ZBTB37: variants seen among roughly 807,000 people sequenced by gnomAD.
ZBTB37 encodes zinc finger and BTB domain-containing protein 37.
A neutral mutation model predicts 37.7 loss-of-function variants in ZBTB37; 15 were observed. The ratio of observed to expected loss-of-function variants is 0.40; its 90% CI spans 0.27 to 0.61. The LOEUF (loss-of-function observed/expected upper bound fraction) is 0.61, where lower values mean the gene tolerates loss of function less well. Ranked by LOEUF, ZBTB37 falls within the 20% of genes least tolerant of loss-of-function variation. The pLI, the probability that ZBTB37 is intolerant of heterozygous loss-of-function variation, is 0.44. For missense variants in ZBTB37, 514 were observed against 641.9 expected, an observed-to-expected ratio of 0.80 and a Z score of 2.15; for synonymous variants, 231 against 220.6, an observed-to-expected ratio of 1.05 and a Z score of -0.42.
exon 4 of ZBTB37, chr1:173,903,083 G>A (rs189298563): frequency 2.6e-5 from 4 of 152,244 alleles, no homozygotes; most frequent in African/African-American, 7.2e-5. Flanking sequence ...TCTAAGACAC[G>A]ATCCTGATTT....
chr1:173,875,215 T>C (rs373258539), intron 4 of ZBTB37, among the ~76,000 whole-genome samples: 6 of 151,340 alleles, frequency 4.0e-5, no homozygotes, highest in African/African-American at 1.2e-4. Context: ...TATACTATAG[T>C]ATGCACACAC....
chr1:173,870,355 C>T, exon 3 of ZBTB37: 4 of 1,614,204 alleles, frequency 2.5e-6, no homozygotes, highest in East Asian at 2.2e-5. Context: ...ACAAGCTTTT[C>T]GGGCTCACAA....
intron 4 of ZBTB37, among the ~76,000 whole-genome samples, chr1:173,874,560 C>G (rs1474543020): frequency 2.0e-5 from 3 of 152,066 alleles, no homozygotes; most frequent in African/African-American, 7.2e-5. Context: ...ACCGTGTTAG[C>G]CAGGGTGGTT....
chr1:173,870,574 A>G lies in ZBTB37; in HGVS notation c.349A>G (p.Lys117Glu), dbSNP rs1655479079. 1.9e-6 allele frequency: 3 copies of G among 1,614,106 alleles called. No individual in the cohort carries two copies. The African/African-American group carries it at 4.0e-5, about 22-fold the overall frequency. ...TCTGCAAATGCAGCATATTATAGACAAATGTACACAGATCCTGGAGGGCAT... is the reference window on the plus strand; with the variant it reads ...TCTGCAAATGCAGCATATTATAGACGAATGTACACAGATCCTGGAGGGCAT... The change falls in exon 3 of 5, where the codon AAA becomes GAA. Residue 117 changes from lysine to glutamate, a missense_variant. By Grantham distance (56) the Lys-to-Glu change is moderately conservative (BLOSUM62 1). Around this residue, in one of 3 missense-constraint regions of ZBTB37, gnomAD observed 105 missense variants for 158.1 expected, o/e 0.66. Coordinates refer to ENST00000427304, the Ensembl canonical transcript of ZBTB37.
At chr1:173,900,448 T>TA (rs748312309) in exon 4 of ZBTB37, 1 of 152,204 alleles carries the variant, frequency 6.6e-6, no homozygotes, top group Non-Finnish European at 1.5e-5. Flanking sequence ...ACTGTTTTAT[T>TA]ACCCTAAAAT....
At chr1:173,897,223 A>G (rs759553529) in exon 4 of ZBTB37, 1 of 152,200 alleles carries the variant, frequency 6.6e-6, no homozygotes, top group Non-Finnish European at 1.5e-5. Context: ...GTAGCACAGA[A>G]GCATTTTGTT....
chr1:173,871,158 G>A lies in ZBTB37; in HGVS notation c.923+10G>A, dbSNP rs1318281501. 1.9e-6 allele frequency: 3 copies of A among 1,569,972 alleles called. No homozygotes were observed. Among genetic ancestry groups the A allele is most frequent in the East Asian group, 2.3e-5 (1 of 43,184 alleles). On this transcript the variant is annotated intron_variant, in intron 3 of 4. Coordinates refer to ENST00000427304, the Ensembl canonical transcript of ZBTB37. Reference sequence around the variant, plus strand: ...GCAGTGAAGTTGACAGGTAGGTTTGGTTTGGTTTGGTTTTCCCATGTAATG... The same window carrying A: ...GCAGTGAAGTTGACAGGTAGGTTTGATTTGGTTTGGTTTTCCCATGTAATG...
upstream of ZBTB37, chr1:173,868,288 G>C (rs913701236): frequency 1.3e-5 from 2 of 152,760 alleles, no homozygotes; most frequent in East Asian, 1.9e-4. Context: ...GGGAAGGGGG[G>C]GCGGTGTAAG....
chr1:173,883,221 G>A (rs1459450138), intron 4 of ZBTB37, among the ~76,000 whole-genome samples: 4 of 152,226 alleles, frequency 2.6e-5, no homozygotes, highest in Non-Finnish European at 4.4e-5. Flanking sequence ...GCTCAAGCCT[G>A]TAATCCCAGC....
chr1:173,870,906 G>T, exon 3 of ZBTB37: 1 of 1,614,176 alleles, frequency 6.2e-7, no homozygotes, highest in Non-Finnish European at 8.5e-7. Flanking sequence ...CAGGAGTGGC[G>T]GACCGTGGGG....
exon 4 of ZBTB37, chr1:173,896,074 T>C (rs917404270): frequency 1.3e-5 from 2 of 152,248 alleles, no homozygotes; most frequent in Admixed American, 1.3e-4. Context: ...AAAGGGGTAC[T>C]CAATGCTGAA....
At chr1:173,869,650 TG>T (rs10707726) in intron 2 of ZBTB37, among the ~76,000 whole-genome samples, 70,306 of 151,852 alleles carry the variant, frequency 0.46, 19,106 homozygotes, top group African/African-American at 0.75. Flanking sequence ...AGTCTTTTTG[TG>T]GGGGGGGCTC....
At chr1:173,869,994 A>C (rs1655432279) in intron 2 of ZBTB37, among the ~76,000 whole-genome samples, 1 of 152,186 alleles carries the variant, frequency 6.6e-6, no homozygotes, top group South Asian at 2.1e-4. Flanking sequence ...ATCACTTTTT[A>C]GTTTTAACTA....
In ZBTB37 at chr1:173,873,459, T is replaced by G. The variant is rs1655703423; in HGVS notation, c.924-8T>G. 6.3e-7 allele frequency: 1 copy of G among 1,598,958 alleles called. No homozygotes were observed. Among genetic ancestry groups the G allele is most frequent in the Non-Finnish European group, 8.5e-7 (1 of 1,174,134 alleles). ...GTATTAGTCCCCTTTATGTTCCTCT[T>G]CCAACAGATTTAGCCCCTCCGGCAG... On this transcript the variant is annotated splice_region_variant and splice_polypyrimidine_tract_variant and intron_variant, in intron 3 of 4. Transcript: ENST00000427304.
At chr1:173,897,162 T>C (rs1375856277) in exon 4 of ZBTB37, 1 of 152,232 alleles carries the variant, frequency 6.6e-6, no homozygotes, top group Non-Finnish European at 1.5e-5. Context: ...GAAGTTTGGC[T>C]ATTTTTTCAT....
intron 3 of ZBTB37, among the ~76,000 whole-genome samples, chr1:173,871,942 A>G (rs897230383): frequency 1.3e-5 from 2 of 152,242 alleles, no homozygotes; most frequent in Non-Finnish European, 2.9e-5. Context: ...CCCTCTTAAA[A>G]ATAAATTTAA....
exon 4 of ZBTB37, chr1:173,896,305 T>G (rs1442471610): frequency 6.6e-6 from 1 of 152,260 alleles, no homozygotes; most frequent in Non-Finnish European, 1.5e-5. Flanking sequence ...CTTAAAACTT[T>G]CTTTTGGATT....
chr1:173,897,727 C>T (rs879228196), exon 4 of ZBTB37: 1 of 152,234 alleles, frequency 6.6e-6, no homozygotes, highest in Non-Finnish European at 1.5e-5. Flanking sequence ...CTGGATTCCT[C>T]AGCCACTGTC....
rs568856251 is a variant in ZBTB37, at chr1:173,871,062, A to G, written c.837A>G (p.Thr279=). ...TAACAGCCATGGTGATTGATACCAC[A>G]GGCCATGGTTCTGTAGGACAGGAAA... The change falls in exon 3 of 5, where the codon ACA becomes ACG. Residue 279 remains threonine, a synonymous_variant. Coordinates refer to ENST00000427304, the Ensembl canonical transcript of ZBTB37. The G allele has an allele frequency of 1.9e-5, 31 of 1,614,200 alleles. No homozygotes were observed. In the East Asian group the frequency reaches 3.6e-4, roughly 19 times the overall value.
Sources: gnomAD v4.1 joint callset for allele counts (sites outside exome capture counted in the v4.1 genomes callset) on GRCh38, gnomAD v4.1.1 for gene constraint, gnomAD v4.1.1 regional missense constraint, MANE v1.5 for transcripts, NCBI Gene and HGNC (gene_info 2026-07-23, HGNC 2026-07-21) for gene names.